HNRNPF: variants seen among roughly 807,000 people sequenced by gnomAD.
HNRNPF encodes the protein heterogeneous nuclear ribonucleoprotein F, also known as HnRNP F protein.
HNRNPF carries 2 observed loss-of-function variants against 26.0 expected under a neutral mutation model. That is an observed-to-expected ratio of 0.08 (90% CI 0.03 to 0.24). The LOEUF (loss-of-function observed/expected upper bound fraction) is 0.24. Among genes scored for constraint, HNRNPF ranks in the 10% least tolerant of loss-of-function variants. HNRNPF has a pLI of 1.00. For synonymous variants in HNRNPF, 234 were observed against 211.5 expected (o/e 1.11, Z -0.92); for missense variants, 299 against 539.2 (o/e 0.55, Z 4.41).
chr10:43,398,004 G>A (rs527880475), intron 1 of HNRNPF, among the ~76,000 whole-genome samples: 1 of 152,100 alleles, frequency 6.6e-6, no homozygotes, highest in African/African-American at 2.4e-5. Flanking sequence ...TTCTACTTTT[G>A]TGTATGTTTG....
intron 3 of HNRNPF, among the ~76,000 whole-genome samples, chr10:43,390,535 C>A (rs1249640173): frequency 6.6e-6 from 1 of 152,140 alleles, no homozygotes; most frequent in Non-Finnish European, 1.5e-5. Flanking sequence ...AACTGCTATC[C>A]CCCTCCTTTG....
At chr10:43,400,561 C>A (rs549850411) in intron 1 of HNRNPF, among the ~76,000 whole-genome samples, 40 of 152,194 alleles carry the variant, frequency 2.6e-4, no homozygotes, top group Admixed American at 1.0e-3. Flanking sequence ...GGTTTAATGG[C>A]CTCAAAAGTA....
In HNRNPF at chr10:43,386,719, TAAGTGGCCTGGGCA is replaced by T; in HGVS notation, c.1152_1165del (p.Ala385GlnfsTer26). The T allele has an allele frequency of 6.2e-7, 1 of 1,613,754 alleles. No homozygotes were observed. Among genetic ancestry groups the T allele is most frequent in the Non-Finnish European group, 8.5e-7 (1 of 1,179,702 alleles). On this transcript the variant is annotated frameshift_variant, in exon 4 of 4. Coordinates refer to ENST00000682386, the MANE Select transcript of HNRNPF (RefSeq NM_001098204.2). LOFTEE classifies it high-confidence loss of function. ...CACTGACTGGCTCTCCAGGCCACTG[TAAGTGGCCTGGGCA>T]GCAGACACCCCCATGCCTTGCATCA... is the stretch of plus-strand genomic sequence containing the variant.
chr10:43,392,852 G>C (rs2131969852), intron 3 of HNRNPF, among the ~76,000 whole-genome samples: 1 of 152,276 alleles, frequency 6.6e-6, no homozygotes, highest in African/African-American at 2.4e-5. Context: ...GCTCCCTGAA[G>C]CCTAGACGGG....
chr10:43,392,382 T>C (rs2048253318), intron 3 of HNRNPF, among the ~76,000 whole-genome samples: 2 of 152,020 alleles, frequency 1.3e-5, no homozygotes, highest in Admixed American at 1.3e-4. Context: ...CTACTAAAAA[T>C]ACAAAAATTA....
In HNRNPF at chr10:43,386,921, C is replaced by A; in HGVS notation, c.964G>T (p.Gly322Cys). 6.2e-7 allele frequency: 1 copy of A among 1,614,174 alleles called. No individual in the cohort carries two copies. The highest frequency in any genetic ancestry group is 8.5e-7 in the Non-Finnish European group (1 of 1,180,042). Reference protein sequence around the residue: ...LNPVRVHIEIGPDGRVTGEAD... With the variant: ...LNPVRVHIEICPDGRVTGEAD... ...TCACCCGTCACTCTTCCATCTGGGCCAATCTCAATATGGACTCTCACAGGG... is the reference window on the plus strand; with the variant it reads ...TCACCCGTCACTCTTCCATCTGGGCAAATCTCAATATGGACTCTCACAGGG... The change falls in exon 4 of 4, where the codon GGC (glycine) becomes TGC (cysteine). Residue 322 changes from glycine (G) to cysteine (C), a missense_variant. Physicochemically the swap from Gly to Cys is radical, Grantham distance 159. Coordinates refer to ENST00000682386, the MANE Select transcript of HNRNPF (RefSeq NM_001098204.2).
chr10:43,406,539 A>G (rs1838924256), intron 1 of HNRNPF, among the ~76,000 whole-genome samples: 1 of 152,136 alleles, frequency 6.6e-6, no homozygotes, highest in Non-Finnish European at 1.5e-5. Flanking sequence ...TACAAAAAAT[A>G]CAAAAATTTG....
At chr10:43,389,271 T>A (rs551690991) in intron 3 of HNRNPF, among the ~76,000 whole-genome samples, 2 of 152,270 alleles carry the variant, frequency 1.3e-5, no homozygotes, top group African/African-American at 4.8e-5. Flanking sequence ...CATGCACAGC[T>A]GGAAATCGAA....
chr10:43,401,628 T>C (rs1387935132), intron 1 of HNRNPF, among the ~76,000 whole-genome samples: 1 of 152,198 alleles, frequency 6.6e-6, no homozygotes, highest in African/African-American at 2.4e-5. Flanking sequence ...TGGGTGTGTA[T>C]AGATTCCGCT....
At chr10:43,408,638 A>T (rs1420602276) in intron 1 of HNRNPF, 4 of 147,234 alleles carry the variant, frequency 2.7e-5, no homozygotes, top group African/African-American at 1.0e-4. Flanking sequence ...CTCAAATCCC[A>T]CCCCCCGTCC....
At chr10:43,403,359 T>C (rs568920316) in intron 1 of HNRNPF, among the ~76,000 whole-genome samples, 1 of 152,330 alleles carries the variant, frequency 6.6e-6, no homozygotes, top group South Asian at 2.1e-4. Flanking sequence ...CATATAGTTA[T>C]CTGAACTTAC....
intron 1 of HNRNPF, among the ~76,000 whole-genome samples, chr10:43,399,311 C>T (rs1285240084): frequency 6.6e-6 from 1 of 152,108 alleles, no homozygotes; most frequent in African/African-American, 2.4e-5. Context: ...TGGTCTGTAA[C>T]TCCTGGGCTC....
At chr10:43,391,939 C>T (rs1039988020) in intron 3 of HNRNPF, among the ~76,000 whole-genome samples, 4 of 152,166 alleles carry the variant, frequency 2.6e-5, no homozygotes, top group African/African-American at 7.2e-5. Flanking sequence ...TTCCACTCCC[C>T]TCCATTAAAA....
chr10:43,406,681 G>A (rs1838929590), intron 1 of HNRNPF, among the ~76,000 whole-genome samples: 1 of 152,164 alleles, frequency 6.6e-6, no homozygotes, highest in Admixed American at 6.5e-5. Context: ...AACAAAGTGA[G>A]ACCCTGTCTC....
chr10:43,401,323 T>C (rs1368365863), intron 1 of HNRNPF, among the ~76,000 whole-genome samples: 2 of 152,196 alleles, frequency 1.3e-5, no homozygotes, highest in African/African-American at 4.8e-5. Context: ...CTAAAAAGCA[T>C]CAAGAGTAGT....
At chr10:43,393,135 G>A (rs1838319361) in intron 3 of HNRNPF, among the ~76,000 whole-genome samples, 1 of 152,138 alleles carries the variant, frequency 6.6e-6, no homozygotes. Flanking sequence ...GCTCTACCCT[G>A]TTCCTAACAC....
chr10:43,393,178 T>C (rs1001541735), intron 3 of HNRNPF, among the ~76,000 whole-genome samples: 1 of 152,250 alleles, frequency 6.6e-6, no homozygotes, highest in African/African-American at 2.4e-5. Flanking sequence ...CAGTAATTCT[T>C]TTCTTTGTAA....
chr10:43,404,669 CCAA>C (rs774104108), intron 1 of HNRNPF, among the ~76,000 whole-genome samples: 7 of 151,930 alleles, frequency 4.6e-5, no homozygotes, highest in Non-Finnish European at 8.8e-5. Flanking sequence ...ACCAGCCTGA[CCAA>C]CAAGTTGATA....
chr10:43,401,898 T>C (rs1464067778), intron 1 of HNRNPF, among the ~76,000 whole-genome samples: 2 of 152,142 alleles, frequency 1.3e-5, no homozygotes, highest in East Asian at 3.9e-4. Context: ...CTGCTGGCCC[T>C]GAGCTGTGCT....
Sources: allele counts gnomAD v4.1 joint callset (sites outside exome capture counted in the v4.1 genomes callset), GRCh38; gene constraint gnomAD v4.1.1; transcripts MANE v1.5; gene names NCBI Gene and HGNC (gene_info 2026-07-23, HGNC 2026-07-21).